The following CADM2 variants were observed in gnomAD, a reference collection of about 807,000 sequenced individuals.
CADM2 encodes the protein cell adhesion molecule 2.
A neutral mutation model predicts 49.8 loss-of-function variants in CADM2; 12 were observed. The observed-to-expected ratio is 0.24, with a 90% CI of 0.15 to 0.39. The LOEUF is 0.39. Ranked by LOEUF, CADM2 falls within the 10% of genes least tolerant of loss-of-function variation. The pLI is 1.00. For synonymous variants in CADM2, 214 were observed against 175.4 expected (o/e 1.22, Z -1.74); for missense variants, 378 against 492.3 (o/e 0.77, Z 2.20).
rs1025672392 is a variant in CADM2, at chr3:85,355,370, G to A, written c.62-371152G>A. On this transcript the variant is annotated intron_variant, in intron 1 of 9. Coordinates refer to ENST00000383699, the MANE Select transcript of CADM2 (RefSeq NM_001167675.2). ...GCATGGTGAGCACCTATCCCATCAC[G>A]GCCAGGAACTCAATTTTTAAGGTTA... 2.6e-5 allele frequency among the ~76,000 whole-genome samples: 4 copies of A among 152,038 alleles called. No homozygotes were observed. In the East Asian group the frequency reaches 5.8e-4, roughly 22 times the overall value.
intron 1 of CADM2, among the ~76,000 whole-genome samples, chr3:85,399,015 C>G (rs1009097327): frequency 6.6e-6 from 1 of 152,186 alleles, no homozygotes; most frequent in Non-Finnish European, 1.5e-5. Flanking sequence ...AATTAGATCC[C>G]ATTTGTCAAT....
chr3:85,553,952 G>T (rs933979779), intron 1 of CADM2, among the ~76,000 whole-genome samples: 1 of 152,090 alleles, frequency 6.6e-6, no homozygotes, highest in African/African-American at 2.4e-5. Context: ...AAAAGTTATG[G>T]CATATGTTGG....
At chr3:85,487,808 T>G (rs566939085) in intron 1 of CADM2, among the ~76,000 whole-genome samples, 2 of 152,056 alleles carry the variant, frequency 1.3e-5, no homozygotes, top group Non-Finnish European at 2.9e-5. Context: ...GATGACACTG[T>G]CAGGAACCAT....
chr3:85,973,013 AT>A (rs1431891436), intron 8 of CADM2, among the ~76,000 whole-genome samples: 7 of 151,716 alleles, frequency 4.6e-5, no homozygotes, highest in African/African-American at 1.2e-4. Flanking sequence ...CTGCATTTTA[AT>A]TTTTTTAATA....
rs112248331 is a variant in CADM2 at position 85,607,046 on chromosome 3, T to C, written c.62-119476T>C. ...TTATATGACAAACCTAAAAACTGGA[T>C]GCCAGTTTATTTTACAGATGAAAAC... On this transcript the variant is annotated intron_variant, in intron 1 of 9. Coordinates refer to ENST00000383699, the MANE Select transcript of CADM2 (RefSeq NM_001167675.2). Among the ~76,000 whole-genome samples the C allele has an allele frequency of 3.9e-3, 595 of 152,204 alleles. 3 individuals carry two copies. Among genetic ancestry groups the C allele is most frequent in the African/African-American group, 0.013 (533 of 41,544 alleles).
intron 1 of CADM2, among the ~76,000 whole-genome samples, chr3:85,563,411 T>TGTGG (rs138726875): frequency 0.012 from 1,690 of 142,146 alleles, 55 homozygotes; most frequent in African/African-American, 0.026. Flanking sequence ...TGTGTGTGTG[T>TGTGG]GGGGGGGTGG....
chr3:85,111,373 G>GT (rs1362875011), intron 1 of CADM2, among the ~76,000 whole-genome samples: 24 of 151,750 alleles, frequency 1.6e-4, no homozygotes, highest in African/African-American at 5.8e-4. Context: ...ATTTAAGCCT[G>GT]TATACCCCAG....
intron 1 of CADM2, among the ~76,000 whole-genome samples, chr3:85,702,441 G>C (rs1229118847): frequency 6.6e-6 from 1 of 151,904 alleles, no homozygotes. Flanking sequence ...ATTGTGAAAA[G>C]GTTCAACATG....
chr3:85,142,742 T>C (rs1438246684), intron 1 of CADM2, among the ~76,000 whole-genome samples: 1 of 152,190 alleles, frequency 6.6e-6, no homozygotes, highest in Admixed American at 6.5e-5. Context: ...AATCTCTTCA[T>C]GGAAAATGAA....
chr3:86,021,388 T>A lies in CADM2; in HGVS notation c.971-44217T>A, dbSNP rs1381497276. 3.9e-4 allele frequency among the ~76,000 whole-genome samples: 59 copies of A among 152,310 alleles called. No homozygotes were observed. The South Asian group carries it at 0.012, about 31-fold the overall frequency. The stretch of plus-strand genomic sequence containing the variant: ...TATGTTGCTTCCCGGAGGAATATAT[T>A]TCCTTCTGTCCTATATCAGTGATGT... On this transcript the variant is annotated intron_variant, in intron 8 of 9. Coordinates refer to ENST00000383699, the MANE Select transcript of CADM2 (RefSeq NM_001167675.2).
intron 6 of CADM2, among the ~76,000 whole-genome samples, chr3:85,925,667 A>G (rs1294501740): frequency 1.3e-5 from 2 of 152,184 alleles, no homozygotes; most frequent in Admixed American, 1.3e-4. Context: ...TTTTCATTTC[A>G]GGAGTGTATC....
intron 1 of CADM2, among the ~76,000 whole-genome samples, chr3:85,612,573 A>G (rs755434144): frequency 6.6e-6 from 1 of 151,868 alleles, no homozygotes; most frequent in Non-Finnish European, 1.5e-5. Flanking sequence ...CTGAAAATAT[A>G]TTAGTTAAGT....
chr3:85,153,135 G>A (rs1182036607), intron 1 of CADM2, among the ~76,000 whole-genome samples: 4 of 152,254 alleles, frequency 2.6e-5, no homozygotes, highest in East Asian at 3.9e-4. Context: ...CGTGAGCGAC[G>A]CAGAAGACGG....
intron 1 of CADM2, among the ~76,000 whole-genome samples, chr3:85,475,635 TA>T (rs1403529698): frequency 2.0e-5 from 3 of 151,960 alleles, no homozygotes; most frequent in Admixed American, 2.0e-4. Context: ...AGCATCTGAT[TA>T]CTTGATTAAA....
chr3:85,417,854 G>C (rs2035982943), intron 1 of CADM2, among the ~76,000 whole-genome samples: 2 of 152,008 alleles, frequency 1.3e-5, no homozygotes, highest in Admixed American at 6.6e-5. Context: ...GAATAACCTA[G>C]GGATCTTGGT....
At position 85,725,535 on chromosome 3, in the gene CADM2, T is replaced by C. The variant is rs79689232; in HGVS notation, c.62-987T>C. 5.8e-3 allele frequency among the ~76,000 whole-genome samples: 876 copies of C among 152,090 alleles called. 12 individuals are homozygous for C. Among genetic ancestry groups the C allele is most frequent in the African/African-American group, 0.02 (848 of 41,548 alleles). On this transcript the variant is annotated intron_variant, in intron 1 of 9. Transcript: ENST00000383699. ...GCTTTTGTCTATCTTCATTTTTCAA[T>C]AGTAAGTCAAAGTAGACTATATCAC... is the stretch of plus-strand genomic sequence containing the variant.
chr3:85,810,436 G>A (rs933210209), intron 3 of CADM2, among the ~76,000 whole-genome samples: 2 of 150,828 alleles, frequency 1.3e-5, no homozygotes, highest in Admixed American at 6.6e-5. Flanking sequence ...AAAATCTTGG[G>A]TTATTTTATG....
intron 1 of CADM2, among the ~76,000 whole-genome samples, chr3:85,053,056 T>TA (rs1332669626): frequency 6.6e-6 from 1 of 151,976 alleles, no homozygotes; most frequent in Non-Finnish European, 1.5e-5. Context: ...AGAAGACAAA[T>TA]ACCAGTATCA....
At chr3:85,445,090 A>G (rs1056278763) in intron 1 of CADM2, among the ~76,000 whole-genome samples, 13 of 152,092 alleles carry the variant, frequency 8.5e-5, no homozygotes. Flanking sequence ...CCCAGCAACA[A>G]CCCTGTAAAA....
Sources: allele counts gnomAD v4.1 joint callset (sites outside exome capture counted in the v4.1 genomes callset), GRCh38; gene constraint gnomAD v4.1.1; transcripts MANE v1.5; gene names NCBI Gene and HGNC (gene_info 2026-07-23, HGNC 2026-07-21).